Variants in YJU2 observed in about 807,000 individuals in gnomAD.
The protein encoded by YJU2 is splicing factor YJU2.
A neutral mutation model predicts 39.6 loss-of-function variants in YJU2; 28 were observed. The observed-to-expected ratio is 0.71, with a 90% CI of 0.52 to 0.97. The LOEUF is 0.97. Among genes scored for constraint, YJU2 ranks in the 50% least tolerant of loss-of-function variants. YJU2 has a pLI of 0.00. For synonymous variants in YJU2, 184 were observed against 182.4 expected, an observed-to-expected ratio of 1.01 and a Z score of -0.07; for missense variants, 328 against 430.4, an observed-to-expected ratio of 0.76 and a Z score of 2.11.
At chr19:4,264,280 A>G (rs1180903871) in intron 6 of YJU2, among the ~76,000 whole-genome samples, 6 of 149,786 alleles carry the variant, frequency 4.0e-5, no homozygotes, top group African/African-American at 9.8e-5. Flanking sequence ...AAAAAAAAAA[A>G]AAAAAAGAAA....
rs577936139 is a variant in YJU2, at chr19:4,259,213, G to A, written c.587+790G>A. Among the ~76,000 whole-genome samples the A allele has an allele frequency of 1.1e-4, 16 of 147,812 alleles. 1 individual carries two copies. In the East Asian group the frequency reaches 3.2e-3, roughly 30 times the overall value. ...TCTGCCTCAGCCTCCCGAGTAGCTG[G>A]GATTAGAGGCATCCGCCACCAAGCC... On this transcript the variant is annotated intron_variant, in intron 5 of 7. Coordinates refer to ENST00000262962, the MANE Select transcript of YJU2 (RefSeq NM_018074.6).
At chr19:4,268,514 C>T (rs11667006) in intron 7 of YJU2, 70 bp from the exon 8 acceptor site, 34,778 of 1,121,892 alleles carry the variant, frequency 0.031, 648 homozygotes, top group Non-Finnish European at 0.037. Flanking sequence ...CAGAGGTGGC[C>T]GGCCCCGTGC....
chr19:4,258,151 C>T, intron 4 of YJU2, 91 bp from the exon 5 acceptor site: 2 of 1,496,192 alleles, frequency 1.3e-6, no homozygotes, highest in Non-Finnish European at 1.8e-6. Flanking sequence ...AGGGGTTCCT[C>T]CCGTGGCCCG....
At chr19:4,264,054 A>T (rs1479674877) in intron 6 of YJU2, among the ~76,000 whole-genome samples, 1 of 151,804 alleles carries the variant, frequency 6.6e-6, no homozygotes, top group Non-Finnish European at 1.5e-5. Flanking sequence ...CGAGGTCAGG[A>T]GATCGAGATC....
chr19:4,254,487 A>G lies in YJU2; in HGVS notation c.403A>G (p.Lys135Glu). 6.3e-7 allele frequency: 1 copy of G among 1,592,008 alleles called. No homozygotes were observed. Among genetic ancestry groups the G allele is most frequent in the East Asian group, 2.3e-5 (1 of 44,390 alleles). Residue 135 changes from lysine to glutamate, a missense_variant and splice_region_variant, in exon 4 of 8, where the codon AAG becomes GAG. This residue lies in a region of YJU2 where 244 missense variants were observed against 264.6 expected (regional missense o/e 0.92). Transcript: ENST00000262962. ...GGACGAGGAGCTGAACAACCCCATG[A>G]AGGTGAGTCGGGGGCCATGTAGGTG... ...REDEELNNPM[K>E]VLENRTKDSK...
intron 4 of YJU2, among the ~76,000 whole-genome samples, chr19:4,255,676 T>G (rs1971013581): frequency 7.0e-6 from 1 of 143,004 alleles, no homozygotes; most frequent in Non-Finnish European, 1.5e-5. Context: ...TGCAGTGAGC[T>G]GAGATCATGC....
chr19:4,256,864 A>G (rs1446199239), intron 4 of YJU2, among the ~76,000 whole-genome samples: 1 of 152,200 alleles, frequency 6.6e-6, no homozygotes, highest in Non-Finnish European at 1.5e-5. Flanking sequence ...GAGTGAGAGC[A>G]AGGAGGAAGG....
At chr19:4,263,331 C>G (rs1344519028) in intron 6 of YJU2, among the ~76,000 whole-genome samples, 1 of 152,130 alleles carries the variant, frequency 6.6e-6, no homozygotes, top group Non-Finnish European at 1.5e-5. Flanking sequence ...GCTCAGAGCA[C>G]CTTCAGGGTC....
intron 2 of YJU2, among the ~76,000 whole-genome samples, chr19:4,250,679 G>A (rs914641829): frequency 6.6e-6 from 1 of 152,036 alleles, no homozygotes; most frequent in Non-Finnish European, 1.5e-5. Flanking sequence ...AGGGGAAGAG[G>A]GGGGTGGGGC....
At chr19:4,247,608 T>TG (rs1970935879) in intron 1 of YJU2, among the ~76,000 whole-genome samples, 1 of 8,786 alleles carries the variant, frequency 1.1e-4, no homozygotes, top group African/African-American at 6.3e-4. Context: ...TGTGTGTGTG[T>TG]GTGTGTGTGT....
rs116790951 is a variant in YJU2, at chr19:4,263,984, C to T, written c.708+1870C>T. Among the ~76,000 whole-genome samples the T allele has an allele frequency of 6.8e-3, 1,036 of 151,402 alleles. 11 individuals carry two copies. Among genetic ancestry groups the T allele is most frequent in the African/African-American group, 0.024 (999 of 41,302 alleles). On this transcript the variant is annotated intron_variant, in intron 6 of 7. Coordinates refer to ENST00000262962, the MANE Select transcript of YJU2 (RefSeq NM_018074.6). Reference sequence around the variant, plus strand: ...ACACACAGAAACGATTGTTCTCGGCCGGGCGCGGTGGCTCACACCTGTAAT... The same window carrying T: ...ACACACAGAAACGATTGTTCTCGGCTGGGCGCGGTGGCTCACACCTGTAAT...
chr19:4,261,259 T>C (rs1417621874), intron 5 of YJU2, among the ~76,000 whole-genome samples: 1 of 152,128 alleles, frequency 6.6e-6, no homozygotes, highest in Non-Finnish European at 1.5e-5. Context: ...TCTCACACTG[T>C]GGTTCTCACA....
chr19:4,259,269 T>C (rs958013513), intron 5 of YJU2, among the ~76,000 whole-genome samples: 9 of 151,680 alleles, frequency 5.9e-5, no homozygotes, highest in African/African-American at 9.7e-5. Flanking sequence ...TTAGTAGAGA[T>C]GGGGTTTCAC....
intron 5 of YJU2, among the ~76,000 whole-genome samples, chr19:4,259,358 C>T (rs1260293448): frequency 5.3e-5 from 8 of 151,916 alleles, no homozygotes; most frequent in African/African-American, 1.9e-4. Flanking sequence ...GGATTGCAGG[C>T]GTGAGCCACC....
At chr19:4,256,645 G>T (rs183895830) in intron 4 of YJU2, among the ~76,000 whole-genome samples, 2 of 152,218 alleles carry the variant, frequency 1.3e-5, no homozygotes, top group African/African-American at 2.4e-5. Flanking sequence ...TGAGCTGGAT[G>T]GTTGTGGCTT....
intron 6 of YJU2, among the ~76,000 whole-genome samples, chr19:4,263,452 G>A (rs1971088772): frequency 6.6e-6 from 1 of 152,190 alleles, no homozygotes; most frequent in South Asian, 2.1e-4. Context: ...GCCCCATCTG[G>A]TGGCGAAGGA....
At position 4,268,622 on chromosome 19, in the gene YJU2, C is replaced by A. The variant is rs773642878; in HGVS notation, c.898C>A (p.Leu300Met). The A allele has an allele frequency of 2.5e-6, 4 of 1,613,690 alleles. No homozygotes were observed. In the South Asian group the frequency reaches 4.4e-5, roughly 18 times the overall value. ...QNRKEANPTP[L>M]TPGASSLSQL... ...CAGGAAGGAGGCCAACCCTACACCC[C>A]TGACGCCTGGCGCGTCCTCCCTGAG... The change falls in exon 8 of 8, where the codon CTG (leucine) becomes ATG (methionine). Residue 300 changes from leucine (L) to methionine (M), a missense_variant. By Grantham distance (15) the Leu-to-Met change is conservative. Transcript: ENST00000262962.
chr19:4,268,700 C>T lies in YJU2; in HGVS notation c.*4C>T. On this transcript the variant is annotated 3_prime_UTR_variant, in exon 8 of 8. Coordinates refer to ENST00000262962, the MANE Select transcript of YJU2 (RefSeq NM_018074.6). ...CGACAGCAACGGCAGCAACTGAGCCCTCCCAGGACCCCCTCACGGGGTCAA... is the reference window on the plus strand; with the variant it reads ...CGACAGCAACGGCAGCAACTGAGCCTTCCCAGGACCCCCTCACGGGGTCAA... 2 of 1,603,842 alleles carry T rather than the reference C, an allele frequency of 1.2e-6. No homozygotes were observed. The highest frequency in any genetic ancestry group is 1.7e-6 in the Non-Finnish European group (2 of 1,171,550).
intron 1 of YJU2, among the ~76,000 whole-genome samples, chr19:4,248,851 G>A (rs535224809): frequency 2.0e-4 from 30 of 152,138 alleles, no homozygotes; most frequent in Middle Eastern, 6.8e-3. Flanking sequence ...CCCAGGAGGC[G>A]GAGGTTGCAG....
Sources: gnomAD v4.1 joint callset for allele counts (sites outside exome capture counted in the v4.1 genomes callset) on GRCh38, gnomAD v4.1.1 for gene constraint, gnomAD v4.1.1 regional missense constraint, MANE v1.5 for transcripts, NCBI Gene and HGNC (gene_info 2026-07-23, HGNC 2026-07-21) for gene names.